Variants in DPH6 observed in about 807,000 individuals in gnomAD.
The protein encoded by DPH6 is diphthine--ammonia ligase.
In DPH6, 33 loss-of-function variants were observed where a neutral mutation model predicts 38.2. That is an observed-to-expected ratio of 0.86 (90% confidence interval 0.65 to 1.15). The LOEUF is 1.15. DPH6 is among the 50% of genes most tolerant of loss of function. The pLI is 0.00. For synonymous variants in DPH6, 108 were observed against 103.0 expected, an observed-to-expected ratio of 1.05 and a Z score of -0.30; for missense variants, 325 against 320.0, an observed-to-expected ratio of 1.02 and a Z score of -0.12.
the DPH6 span, among the ~76,000 whole-genome samples, chr15:35,189,067 CTTTT>C: frequency 1.3e-5 from 2 of 152,150 alleles, no homozygotes; most frequent in Admixed American, 1.3e-4. Context: ...GATGCTCTTT[CTTTT>C]AACTTCAGAG....
chr15:35,302,164 A>G (rs971947649), intron 3 of DPH6, among the ~76,000 whole-genome samples: 1 of 152,192 alleles, frequency 6.6e-6, no homozygotes, highest in Non-Finnish European at 1.5e-5. Context: ...TGGTAACAAA[A>G]GGGAAAAGGT....
chr15:35,501,390 C>T (rs116658277), intron 3 of DPH6, among the ~76,000 whole-genome samples: 3,648 of 152,182 alleles, frequency 0.024, 136 homozygotes, highest in African/African-American at 0.079. Flanking sequence ...CCCAGACTGC[C>T]GACATGGGAT....
At chr15:35,186,312 A>T in the DPH6 span, among the ~76,000 whole-genome samples, 1 of 152,184 alleles carries the variant, frequency 6.6e-6, no homozygotes, top group Admixed American at 6.5e-5. Context: ...TTAAGTGATT[A>T]TTAAATATAG....
chr15:35,285,467 C>G lies in DPH6; in HGVS notation n.201-64885G>C, dbSNP rs370653929. Among the ~76,000 whole-genome samples the G allele has an allele frequency of 1.4e-4, 22 of 152,252 alleles. 4 individuals are homozygous for G. Among genetic ancestry groups the G allele is most frequent in the East Asian group, 7.7e-4 (4 of 5,174 alleles). On this transcript the variant is annotated intron_variant and non_coding_transcript_variant, in intron 3 of 3. Coordinates refer to the DPH6 transcript ENST00000560386. ...CTTTGCATAAGCTCTCTCTCTTTGC[C>G]TGCTGCCATCCACATAAGATGTGAC...
At chr15:35,454,662 A>T in intron 4 of DPH6, 85 bp downstream of exon 4, 3 of 1,167,622 alleles carry the variant, frequency 2.6e-6, no homozygotes, top group Non-Finnish European at 3.7e-6. Context: ...ACCTATTTAT[A>T]ATTTGAATAT....
At chr15:35,149,806 C>A in the DPH6 span, among the ~76,000 whole-genome samples, 1 of 152,310 alleles carries the variant, frequency 6.6e-6, no homozygotes, top group East Asian at 1.9e-4. Context: ...AAAGAACAAG[C>A]CTCACTTAGT....
intron 5 of DPH6, 139 bp downstream of exon 5, chr15:35,450,546 T>C (rs544045570): frequency 4.2e-6 from 3 of 714,100 alleles, no homozygotes; most frequent in East Asian, 2.8e-5. Flanking sequence ...GCAAGGAAGG[T>C]GCTTACTCAA....
intron 3 of DPH6, among the ~76,000 whole-genome samples, chr15:35,536,381 A>G (rs1024245238): frequency 6.6e-6 from 1 of 152,068 alleles, no homozygotes; most frequent in Non-Finnish European, 1.5e-5. Flanking sequence ...ACTTGATAAC[A>G]TATCTTTCAA....
intron 3 of DPH6, among the ~76,000 whole-genome samples, chr15:35,266,707 T>C (rs553746118): frequency 1.3e-5 from 2 of 152,214 alleles, no homozygotes; most frequent in Non-Finnish European, 2.9e-5. Flanking sequence ...CAGTACCACA[T>C]AGACATAACT....
In DPH6 at chr15:35,397,868, T is replaced by TATACACAC. The variant is rs752473433; in HGVS notation, c.567+12966_567+12967insGTGTGTAT. The stretch of plus-strand genomic sequence containing the variant: ...AATAGATGGAATCAATTTATATATA[T>TATACACAC]ACACACACACACACACACACACACA... On this transcript the variant is annotated intron_variant, in intron 6 of 8. Coordinates refer to ENST00000256538, the MANE Select transcript of DPH6 (RefSeq NM_080650.4). 1.5e-3 allele frequency among the ~76,000 whole-genome samples: 134 copies of TATACACAC among 87,302 alleles called. 1 individual carries two copies. The highest frequency in any genetic ancestry group is 2.4e-3 in the East Asian group (7 of 2,936). The allele number at this position is 87,302 out of a possible 152,430, so 57.3% of individuals were successfully genotyped here. A position where few individuals can be genotyped will look rare whatever the true frequency, so the allele number is the denominator to read the frequency against.
chr15:35,495,865 C>T (rs1298590981), intron 3 of DPH6, among the ~76,000 whole-genome samples: 1 of 152,098 alleles, frequency 6.6e-6, no homozygotes, highest in East Asian at 1.9e-4. Context: ...AACAAATTAA[C>T]TTATGGAATA....
chr15:35,288,142 TC>T (rs1288191209), intron 3 of DPH6, among the ~76,000 whole-genome samples: 1 of 152,196 alleles, frequency 6.6e-6, no homozygotes, highest in Non-Finnish European at 1.5e-5. Flanking sequence ...ATACTGATTA[TC>T]CTTTCCTATC....
the DPH6 span, among the ~76,000 whole-genome samples, chr15:35,187,988 C>A: frequency 6.6e-6 from 1 of 152,140 alleles, no homozygotes; most frequent in South Asian, 2.1e-4. Flanking sequence ...ACAAAAAATA[C>A]AAAAATTGGC....
At chr15:35,340,057 G>A (rs1463767290) in intron 3 of DPH6, among the ~76,000 whole-genome samples, 1 of 152,070 alleles carries the variant, frequency 6.6e-6, no homozygotes, top group African/African-American at 2.4e-5. Context: ...GAATCTGGAT[G>A]CCCCTTTGTT....
At chr15:35,359,489 C>T (rs2052595428) in intron 3 of DPH6, among the ~76,000 whole-genome samples, 1 of 152,186 alleles carries the variant, frequency 6.6e-6, no homozygotes, top group Admixed American at 6.5e-5. Context: ...CCCATTGGAT[C>T]CCTGTGGTGC....
intron 2 of DPH6, among the ~76,000 whole-genome samples, chr15:35,541,268 C>A (rs1314982944): frequency 1.3e-5 from 2 of 152,082 alleles, no homozygotes; most frequent in Non-Finnish European, 2.9e-5. Flanking sequence ...AAAGAAGATT[C>A]AAATATCTGA....
intron 3 of DPH6, among the ~76,000 whole-genome samples, chr15:35,251,612 T>C (rs1333353993): frequency 1.3e-5 from 2 of 152,194 alleles, no homozygotes; most frequent in Non-Finnish European, 2.9e-5. Context: ...ATCCTACACT[T>C]AGCTTCATAT....
At chr15:35,211,046 T>G in the DPH6 span, among the ~76,000 whole-genome samples, 1 of 150,866 alleles carries the variant, frequency 6.6e-6, no homozygotes, top group Non-Finnish European at 1.5e-5. Context: ...CTTTTTCTGT[T>G]GAGACGTTTA....
At chr15:35,410,162 T>C (rs944256393) in intron 6 of DPH6, among the ~76,000 whole-genome samples, 1 of 151,836 alleles carries the variant, frequency 6.6e-6, no homozygotes, top group Admixed American at 6.6e-5. Context: ...AGATAGGTTC[T>C]TTCATAGGAG....
Sources: allele counts gnomAD v4.1 joint callset (sites outside exome capture counted in the v4.1 genomes callset), GRCh38; gene constraint gnomAD v4.1.1; transcripts MANE v1.5; gene names NCBI Gene and HGNC (gene_info 2026-07-23, HGNC 2026-07-21).